ANO10: variants seen among roughly 807,000 people sequenced by gnomAD.
The protein encoded by ANO10 is anoctamin 10.
A neutral mutation model predicts 74.7 loss-of-function variants in ANO10; 77 were observed. The observed-to-expected ratio is 1.03, with a 90% CI of 0.86 to 1.25. ANO10 has a LOEUF of 1.25. ANO10 is among the 50% of genes most tolerant of loss of function. The pLI is 0.00. For synonymous variants in ANO10, 279 were observed against 284.9 expected (o/e 0.98, Z 0.21); for missense variants, 721 against 778.1 (o/e 0.93, Z 0.87).
At chr3:43,417,076 G>T (rs1352829722) in intron 12 of ANO10, among the ~76,000 whole-genome samples, 6 of 152,180 alleles carry the variant, frequency 3.9e-5, no homozygotes, top group Non-Finnish European at 1.5e-5. Flanking sequence ...AATTACTTAG[G>T]CAGATAGGGT....
intron 12 of ANO10, among the ~76,000 whole-genome samples, chr3:43,387,498 C>T (rs2092156105): frequency 6.6e-6 from 1 of 152,074 alleles, no homozygotes; most frequent in South Asian, 2.1e-4. Context: ...TGGCAGAGGC[C>T]CTACACGCAG....
At chr3:43,488,038 T>C (rs1479378380) in intron 11 of ANO10, among the ~76,000 whole-genome samples, 1 of 152,108 alleles carries the variant, frequency 6.6e-6, no homozygotes, top group East Asian at 1.9e-4. Flanking sequence ...ATCTGATCTT[T>C]GAAAAACCTG....
intron 11 of ANO10, among the ~76,000 whole-genome samples, chr3:43,474,903 AT>A (rs11293962): frequency 0.49 from 75,001 of 151,678 alleles, 20,617 homozygotes; most frequent in East Asian, 0.83. Context: ...ATTTTGTAGA[AT>A]TTTTTTTTGT....
rs139526313 is a variant in ANO10, at chr3:43,496,234, C to T, written c.1797+53486G>A. ...AAAATATCGGAAAACAATCAGAATGCCTACTGACAGGAGAAAAGCTGGACC... is the reference window on the plus strand; with the variant it reads ...AAAATATCGGAAAACAATCAGAATGTCTACTGACAGGAGAAAAGCTGGACC... On this transcript the variant is annotated intron_variant, in intron 11 of 12. Coordinates refer to ENST00000292246, the MANE Select transcript of ANO10 (RefSeq NM_018075.5). Among the ~76,000 whole-genome samples, 98 of 152,186 alleles carry T rather than the reference C, an allele frequency of 6.4e-4. 2 individuals carry two copies. The South Asian group carries it at 0.01, about 16-fold the overall frequency.
chr3:43,535,964 TATAAG>T (rs954328226), intron 11 of ANO10, among the ~76,000 whole-genome samples: 30 of 152,216 alleles, frequency 2.0e-4, no homozygotes, highest in Admixed American at 3.9e-4. Context: ...GCATAAAAAC[TATAAG>T]ATAAGTACTG....
At chr3:43,639,330 G>A (rs957596512) in intron 1 of ANO10, among the ~76,000 whole-genome samples, 5 of 152,212 alleles carry the variant, frequency 3.3e-5, no homozygotes, top group Non-Finnish European at 7.3e-5. Flanking sequence ...GACTCAGCCA[G>A]TTTGCCCTCA....
At chr3:43,453,370 G>A (rs1209722374) in intron 11 of ANO10, among the ~76,000 whole-genome samples, 1 of 151,950 alleles carries the variant, frequency 6.6e-6, no homozygotes, top group African/African-American at 2.4e-5. Context: ...TAGTACAGAC[G>A]GGGTTTCACT....
chr3:43,516,573 T>C (rs2077719991), intron 11 of ANO10, among the ~76,000 whole-genome samples: 1 of 152,148 alleles, frequency 6.6e-6, no homozygotes. Flanking sequence ...AGGGATATAG[T>C]CAGAACCGTG....
At chr3:43,582,309 G>A (rs979691222) in intron 4 of ANO10, among the ~76,000 whole-genome samples, 11 of 151,982 alleles carry the variant, frequency 7.2e-5, no homozygotes, top group Admixed American at 2.0e-4. Context: ...AAAATTAGCC[G>A]GGCGTGGTGG....
chr3:43,413,931 G>T (rs914978491), intron 12 of ANO10, among the ~76,000 whole-genome samples: 2 of 151,732 alleles, frequency 1.3e-5, no homozygotes, highest in Admixed American at 6.6e-5. Context: ...ACAAGAGAAG[G>T]CAGCCTTCAT....
chr3:43,414,967 CTTTTTTTTTTT>C lies in ANO10; in HGVS notation c.1914+17633_1914+17643del, dbSNP rs60554785. The stretch of plus-strand genomic sequence containing the variant: ...CTGTATGGTTGTTCCTGTCATTGTG[CTTTTTTTTTTT>C]TTTTTTTTTTTTTTGAGACAGGGTC... On this transcript the variant is annotated intron_variant, in intron 12 of 12. Transcript: ENST00000292246. Among the ~76,000 whole-genome samples the C allele has an allele frequency of 1.1e-3, 76 of 66,602 alleles. No individual in the cohort carries two copies. In the Middle Eastern group the frequency reaches 0.062, roughly 55 times the overall value. The allele number at this position is 66,602 out of a possible 152,430, so 43.7% of individuals were successfully genotyped here. A position where few individuals can be genotyped will look rare whatever the true frequency, so the allele number is the denominator to read the frequency against.
At chr3:43,651,980 A>C (rs1374737409) in intron 1 of ANO10, among the ~76,000 whole-genome samples, 1 of 152,172 alleles carries the variant, frequency 6.6e-6, no homozygotes, top group African/African-American at 2.4e-5. Context: ...TACAAAGCAG[A>C]GTTCCTTTTT....
chr3:43,467,252 C>T (rs911898683), intron 11 of ANO10, among the ~76,000 whole-genome samples: 1 of 151,848 alleles, frequency 6.6e-6, no homozygotes, highest in African/African-American at 2.4e-5. Context: ...AAGTATTTAC[C>T]CAAGAGAAAT....
intron 4 of ANO10, among the ~76,000 whole-genome samples, chr3:43,597,626 G>A (rs933742562): frequency 6.6e-6 from 1 of 152,066 alleles, no homozygotes; most frequent in Non-Finnish European, 1.5e-5. Context: ...GTGGGGGCAT[G>A]GGGGAGGGAT....
chr3:43,605,611 C>T (rs1296793456), intron 2 of ANO10, 103 bp downstream of exon 2: 1 of 1,442,418 alleles, frequency 6.9e-7, no homozygotes, highest in South Asian at 1.2e-5. Context: ...AATTATAAAA[C>T]ACATTTGCAA....
intron 11 of ANO10, among the ~76,000 whole-genome samples, chr3:43,474,903 A>AT (rs11293962): frequency 6.6e-6 from 1 of 151,616 alleles, no homozygotes; most frequent in Non-Finnish European, 1.5e-5. Flanking sequence ...ATTTTGTAGA[A>AT]TTTTTTTTTG....
chr3:43,457,685 A>G (rs889663202), intron 11 of ANO10, among the ~76,000 whole-genome samples: 4 of 152,200 alleles, frequency 2.6e-5, no homozygotes, highest in Admixed American at 6.5e-5. Flanking sequence ...TTTAGAATAC[A>G]TGTATGTTTC....
At chr3:43,403,211 C>T (rs935480212) in intron 12 of ANO10, among the ~76,000 whole-genome samples, 5 of 152,222 alleles carry the variant, frequency 3.3e-5, no homozygotes, top group African/African-American at 1.2e-4. Flanking sequence ...CCAGAGGCAC[C>T]CCTGGGAACT....
intron 11 of ANO10, among the ~76,000 whole-genome samples, chr3:43,440,786 A>G (rs2093147606): frequency 6.6e-6 from 1 of 152,128 alleles, no homozygotes; most frequent in Non-Finnish European, 1.5e-5. Context: ...TCTCCAGTAC[A>G]GATCATACCT....
Sources: gnomAD v4.1 joint callset for allele counts (sites outside exome capture counted in the v4.1 genomes callset) on GRCh38, gnomAD v4.1.1 for gene constraint, MANE v1.5 for transcripts, NCBI Gene and HGNC (gene_info 2026-07-23, HGNC 2026-07-21) for gene names.